The following STK35 variants were observed in gnomAD, a reference collection of about 807,000 sequenced individuals.
The protein encoded by STK35 is serine/threonine kinase 35.
STK35 carries 17 observed loss-of-function variants against 37.3 expected under a neutral mutation model. The ratio of observed to expected loss-of-function variants is 0.46; its 90% confidence interval spans 0.31 to 0.68. The LOEUF (loss-of-function observed/expected upper bound fraction) is 0.68, where lower values mean the gene tolerates loss of function less well. STK35 is among the 30% of genes least tolerant of loss of function. STK35 has a pLI of 0.05. For synonymous variants in STK35, 385 were observed against 319.1 expected (o/e 1.21, Z -2.20); for missense variants, 595 against 746.7 (o/e 0.80, Z 2.37).
At chr20:2,103,407 C>A (rs755046630) in intron 2 of STK35, 42 bp downstream of exon 2, 4 of 1,563,842 alleles carry the variant, frequency 2.6e-6, no homozygotes, top group Non-Finnish European at 2.6e-6. Context: ...AGGGCCTGGA[C>A]CCCCTGCTCT....
At position 2,126,031 on chromosome 20, in the gene STK35, G is replaced by A. The variant is rs117654917; in HGVS notation, c.*37+8616G>A. ...CAGAAGCCCATTCTGAGTGAACCCA[G>A]GGATTTTAAAGTTGATGAGGACCCA... On this transcript the variant is annotated intron_variant, in intron 3 of 3. Transcript: ENST00000381482. Among the ~76,000 whole-genome samples the A allele has an allele frequency of 8.6e-3, 1,314 of 152,324 alleles. 14 individuals carry two copies. Among genetic ancestry groups the A allele is most frequent in the Non-Finnish European group, 0.014 (985 of 68,036 alleles).
chr20:2,132,687 G>A (rs1357713115), intron 3 of STK35, among the ~76,000 whole-genome samples: 4 of 152,224 alleles, frequency 2.6e-5, no homozygotes, highest in South Asian at 2.1e-4. Context: ...ATGGGAAGGC[G>A]GTAAGGGTAA....
chr20:2,137,187 C>T (rs1243022640), intron 3 of STK35, among the ~76,000 whole-genome samples: 1 of 152,212 alleles, frequency 6.6e-6, no homozygotes, highest in Non-Finnish European at 1.5e-5. Flanking sequence ...CTCCTGTGCA[C>T]CTCACTCCAC....
chr20:2,119,647 C>T (rs1184719675), intron 3 of STK35, among the ~76,000 whole-genome samples: 1 of 152,240 alleles, frequency 6.6e-6, no homozygotes, highest in African/African-American at 2.4e-5. Flanking sequence ...CTTATTCAAG[C>T]ATCCCCCACC....
chr20:2,113,911 C>G (rs1409889747), intron 2 of STK35, among the ~76,000 whole-genome samples: 1 of 152,106 alleles, frequency 6.6e-6, no homozygotes, highest in Non-Finnish European at 1.5e-5. Flanking sequence ...GCCCAGGGTT[C>G]CAGCCATCTT....
chr20:2,102,296 C>T, intron 1 of STK35, 121 bp downstream of exon 1: 2 of 1,286,618 alleles, frequency 1.6e-6, no homozygotes, highest in South Asian at 3.5e-5. Context: ...CCGAACTTTT[C>T]AGCCAATCCC....
intron 3 of STK35, among the ~76,000 whole-genome samples, chr20:2,135,237 C>T (rs1247973847): frequency 6.6e-6 from 1 of 152,180 alleles, no homozygotes; most frequent in Non-Finnish European, 1.5e-5. Flanking sequence ...GTCTGTCTGC[C>T]TTTCAGAGAA....
chr20:2,137,000 G>A (rs1478742777), intron 3 of STK35, among the ~76,000 whole-genome samples: 5 of 152,230 alleles, frequency 3.3e-5, no homozygotes. Flanking sequence ...CAGATCAGCA[G>A]GAGCTGAAGA....
intron 1 of STK35, 140 bp downstream of exon 1, chr20:2,102,315 G>A: frequency 8.5e-7 from 1 of 1,181,358 alleles, no homozygotes; most frequent in Non-Finnish European, 1.1e-6. Flanking sequence ...CCTTCTACCC[G>A]TCGCCCTCGG....
chr20:2,128,903 C>G (rs1388856501), intron 3 of STK35, among the ~76,000 whole-genome samples: 1 of 152,072 alleles, frequency 6.6e-6, no homozygotes, highest in Non-Finnish European at 1.5e-5. Flanking sequence ...TGCAGTGACA[C>G]AATCTCGGCT....
At chr20:2,120,806 A>C (rs1473503341) in intron 3 of STK35, among the ~76,000 whole-genome samples, 2 of 152,196 alleles carry the variant, frequency 1.3e-5, no homozygotes, top group African/African-American at 4.8e-5. Context: ...GACAGTACCC[A>C]TAGGTAATGT....
intron 3 of STK35, among the ~76,000 whole-genome samples, chr20:2,143,499 T>C (rs557029116): frequency 6.6e-6 from 1 of 152,290 alleles, no homozygotes; most frequent in Middle Eastern, 3.4e-3. Context: ...GGGTTCAAGA[T>C]TGGTTTGACA....
chr20:2,121,834 A>G (rs1448726636), intron 3 of STK35, among the ~76,000 whole-genome samples: 1 of 152,120 alleles, frequency 6.6e-6, no homozygotes, highest in Non-Finnish European at 1.5e-5. Flanking sequence ...AAGCATCAGT[A>G]CTCATGAACA....
intron 2 of STK35, among the ~76,000 whole-genome samples, chr20:2,115,723 C>A (rs1220383310): frequency 6.6e-6 from 1 of 152,194 alleles, no homozygotes; most frequent in Non-Finnish European, 1.5e-5. Context: ...CTCCACTGTT[C>A]CCACCAGACT....
chr20:2,103,541 T>G (rs2211325), intron 2 of STK35, among the ~76,000 whole-genome samples, 176 bp downstream of exon 2: 1 of 151,968 alleles, frequency 6.6e-6, no homozygotes, highest in Non-Finnish European at 1.5e-5. Flanking sequence ...TCTCAGGTCC[T>G]AAGATCAGTC....
At chr20:2,128,873 GCT>G (rs1230247088) in intron 3 of STK35, among the ~76,000 whole-genome samples, 1 of 152,042 alleles carries the variant, frequency 6.6e-6, no homozygotes, top group African/African-American at 2.4e-5. Flanking sequence ...GTGGAGTCTC[GCT>G]CTGTTGCCAG....
At chr20:2,119,993 G>A (rs868359334) in intron 3 of STK35, among the ~76,000 whole-genome samples, 1 of 152,224 alleles carries the variant, frequency 6.6e-6, no homozygotes, top group Non-Finnish European at 1.5e-5. Flanking sequence ...CCACCCGTGG[G>A]TAGGAGAACA....
intron 3 of STK35, among the ~76,000 whole-genome samples, chr20:2,130,677 G>A (rs1213655826): frequency 6.6e-6 from 1 of 152,150 alleles, no homozygotes; most frequent in Admixed American, 6.6e-5. Context: ...TTGTAAATTG[G>A]GAAATACTTT....
At position 2,145,213 on chromosome 20, in the gene STK35, G is replaced by C. The variant is rs957168648; in HGVS notation, c.*1467G>C. ...CCCATCTGTTCTCCCCCTGCAAGAA[G>C]GGGCAATGCTCTTGTGTTGTCCCTC... On this transcript the variant is annotated 3_prime_UTR_variant, in exon 4 of 4. Transcript: ENST00000381482. 7.2e-5 allele frequency: 11 copies of C among 152,446 alleles called. No individual in the cohort carries two copies. Among genetic ancestry groups the C allele is most frequent in the Admixed American group, 1.3e-4 (2 of 15,284 alleles). The allele number at this position is 152,446 out of a possible 1,614,324, so 9.4% of individuals were successfully genotyped here.
Sources: allele counts gnomAD v4.1 joint callset (sites outside exome capture counted in the v4.1 genomes callset), GRCh38; gene constraint gnomAD v4.1.1; transcripts MANE v1.5; gene names NCBI Gene and HGNC (gene_info 2026-07-23, HGNC 2026-07-21).